CDH8: variants seen among roughly 807,000 people sequenced by gnomAD.
CDH8 encodes cadherin 8, also known as cadherin-8.
In CDH8, 17 loss-of-function variants were observed where a neutral mutation model predicts 68.1. That is an observed-to-expected ratio of 0.25 (90% CI 0.17 to 0.37). The LOEUF is 0.37. Among genes scored for constraint, CDH8 ranks in the 10% least tolerant of loss-of-function variants. CDH8 has a pLI of 1.00. For synonymous variants in CDH8, 372 were observed against 365.1 expected, an observed-to-expected ratio of 1.02 and a Z score of -0.21; for missense variants, 763 against 999.3, an observed-to-expected ratio of 0.76 and a Z score of 3.19.
intron 1 of CDH8, chr16:62,035,169 A>C (rs1247504733): frequency 6.6e-6 from 1 of 152,192 alleles, no homozygotes; most frequent in Non-Finnish European, 1.5e-5. Context: ...TAGGTCCCTT[A>C]TGAACCTCTT....
intron 2 of CDH8, among the ~76,000 whole-genome samples, chr16:61,977,167 G>T (rs921537634): frequency 3.3e-5 from 5 of 152,122 alleles, no homozygotes; most frequent in Non-Finnish European, 5.9e-5. Flanking sequence ...CAGCCATGTG[G>T]CAGTTAACCT....
At chr16:61,700,098 C>A (rs1964394326) in intron 10 of CDH8, among the ~76,000 whole-genome samples, 1 of 151,974 alleles carries the variant, frequency 6.6e-6, no homozygotes, top group African/African-American at 2.4e-5. Flanking sequence ...TTAACAGTAT[C>A]TTACATTTGA....
At chr16:61,714,852 A>G (rs1964694058) in intron 9 of CDH8, among the ~76,000 whole-genome samples, 1 of 151,668 alleles carries the variant, frequency 6.6e-6, no homozygotes, top group African/African-American at 2.4e-5. Flanking sequence ...TCTCAGGTTT[A>G]TGATATTTCG....
At chr16:61,682,694 C>T (rs1964036918) in intron 10 of CDH8, among the ~76,000 whole-genome samples, 1 of 151,484 alleles carries the variant, frequency 6.6e-6, no homozygotes, top group African/African-American at 2.4e-5. Context: ...TTTTGGCTTA[C>T]AAGTGTTTTG....
chr16:61,896,821 T>C (rs1005844595), intron 3 of CDH8, among the ~76,000 whole-genome samples: 4 of 152,144 alleles, frequency 2.6e-5, no homozygotes, highest in African/African-American at 7.2e-5. Context: ...ACTTATTTAC[T>C]TTTTGGCATA....
chr16:61,819,728 G>A (rs541815526), intron 6 of CDH8, among the ~76,000 whole-genome samples: 70 of 152,144 alleles, frequency 4.6e-4, no homozygotes, highest in Admixed American at 1.7e-3. Context: ...AATATGTCTC[G>A]TGTAACATGA....
chr16:61,892,649 T>C (rs903234042), intron 3 of CDH8, among the ~76,000 whole-genome samples: 4 of 152,122 alleles, frequency 2.6e-5, no homozygotes, highest in African/African-American at 9.7e-5. Context: ...GATTCCTGTC[T>C]CCATTCTTAA....
At chr16:61,798,023 C>CA (rs1356600637) in intron 7 of CDH8, among the ~76,000 whole-genome samples, 1 of 149,982 alleles carries the variant, frequency 6.7e-6, no homozygotes, top group Admixed American at 6.6e-5. Flanking sequence ...AACACTGGAA[C>CA]AAAAAAAAAG....
chr16:61,913,714 G>A (rs1964195060), intron 2 of CDH8, among the ~76,000 whole-genome samples: 3 of 151,964 alleles, frequency 2.0e-5, no homozygotes, highest in Admixed American at 2.0e-4. Flanking sequence ...AAGGAAACCT[G>A]ACAACCAAAG....
intron 1 of CDH8, among the ~76,000 whole-genome samples, chr16:62,026,893 C>T (rs1291018693): frequency 3.3e-5 from 5 of 152,202 alleles, no homozygotes; most frequent in African/African-American, 1.2e-4. Flanking sequence ...TTGTGAGATG[C>T]AACTGAGTCT....
chr16:61,862,776 C>T (rs904634959), intron 3 of CDH8, among the ~76,000 whole-genome samples: 5 of 152,106 alleles, frequency 3.3e-5, no homozygotes, highest in African/African-American at 4.8e-5. Context: ...ATGCAGACCA[C>T]GAAGGCAAAT....
Position 61,764,072 on chromosome 16 carries a change from A to G in CDH8, c.1414+25274T>C, listed in dbSNP as rs553354760. Among the ~76,000 whole-genome samples the G allele has an allele frequency of 3.7e-4, 56 of 152,270 alleles. 4 individuals carry two copies. In the South Asian group the frequency reaches 0.012, roughly 32 times the overall value. On this transcript the variant is annotated intron_variant, in intron 8 of 11. Transcript: ENST00000577390. ...CTACTAAAATTACTTGACAATTGCA[A>G]TGGGCCAGGCATAGTGAAATGTGCA... is the stretch of plus-strand genomic sequence containing the variant.
intron 8 of CDH8, among the ~76,000 whole-genome samples, chr16:61,736,112 A>AAAGAAAGAAAGAAAGAAAGAAAGAAAGG (rs776989465): frequency 1.9e-3 from 219 of 116,496 alleles, no homozygotes; most frequent in African/African-American, 7.4e-3. Context: ...AGAAAGAAAG[A>AAAGAAAGAAAGAAAGAAAGAAAGAAAGG]AAGGAAGGAA....
intron 3 of CDH8, among the ~76,000 whole-genome samples, chr16:61,863,627 A>T (rs370276180): frequency 6.6e-6 from 1 of 152,218 alleles, no homozygotes; most frequent in African/African-American, 2.4e-5. Flanking sequence ...TCTTATGATC[A>T]GAAGAAGACA....
intron 1 of CDH8, among the ~76,000 whole-genome samples, chr16:62,024,087 C>T (rs1465861480): frequency 6.6e-6 from 1 of 152,012 alleles, no homozygotes; most frequent in East Asian, 1.9e-4. Flanking sequence ...GATCTTCTCA[C>T]TCCAGCCTCC....
At chr16:61,813,252 T>G (rs775783939) in intron 7 of CDH8, among the ~76,000 whole-genome samples, 1 of 152,182 alleles carries the variant, frequency 6.6e-6, no homozygotes, top group African/African-American at 2.4e-5. Context: ...ATAGGCCCAG[T>G]TGACGAGTTA....
At chr16:61,685,094 C>T (rs1376224255) in intron 10 of CDH8, among the ~76,000 whole-genome samples, 3 of 151,170 alleles carry the variant, frequency 2.0e-5, no homozygotes, top group East Asian at 2.0e-4. Context: ...GTTTCTGTTT[C>T]CTTGGTACAT....
chr16:62,018,557 G>A (rs921401839), intron 2 of CDH8, among the ~76,000 whole-genome samples: 2 of 152,164 alleles, frequency 1.3e-5, no homozygotes, highest in African/African-American at 2.4e-5. Context: ...ATAATCTGAA[G>A]CAGTCACCTG....
chr16:61,890,441 G>A (rs151163556), intron 3 of CDH8, among the ~76,000 whole-genome samples: 30 of 152,232 alleles, frequency 2.0e-4, no homozygotes, highest in Admixed American at 1.6e-3. Flanking sequence ...CATTGTTAGT[G>A]CTGAGCCAAT....
Sources: gnomAD v4.1 joint callset for allele counts (sites outside exome capture counted in the v4.1 genomes callset) on GRCh38, gnomAD v4.1.1 for gene constraint, MANE v1.5 for transcripts, NCBI Gene and HGNC (gene_info 2026-07-23, HGNC 2026-07-21) for gene names.